STXBP5L: variants seen among roughly 807,000 people sequenced by gnomAD.
The protein encoded by STXBP5L is syntaxin binding protein 5L, also known as syntaxin-binding protein 5-like.
A neutral mutation model predicts 144.5 loss-of-function variants in STXBP5L; 65 were observed. The ratio of observed to expected loss-of-function variants is 0.45; its 90% CI spans 0.37 to 0.55. STXBP5L has a LOEUF of 0.55. STXBP5L is among the 20% of genes least tolerant of loss of function. The pLI, the probability that STXBP5L is intolerant of heterozygous loss-of-function variation, is 0.00. For synonymous variants in STXBP5L, 505 were observed against 469.6 expected (o/e 1.08, Z -0.97); for missense variants, 1,298 against 1,405.5 (o/e 0.92, Z 1.22).
intron 5 of STXBP5L, among the ~76,000 whole-genome samples, chr3:121,113,072 A>G (rs757173015): frequency 2.2e-4 from 33 of 152,146 alleles, no homozygotes; most frequent in Non-Finnish European, 3.8e-4. Flanking sequence ...TAAAGGCTCT[A>G]GTTTCTATTT....
At chr3:121,392,524 G>A (rs898017212) in intron 22 of STXBP5L, among the ~76,000 whole-genome samples, 7 of 151,946 alleles carry the variant, frequency 4.6e-5, no homozygotes, top group Non-Finnish European at 7.4e-5. Flanking sequence ...GTTCCTATTC[G>A]GCCATCTTGG....
intron 5 of STXBP5L, among the ~76,000 whole-genome samples, chr3:121,080,584 T>A (rs1430806787): frequency 6.6e-6 from 1 of 152,206 alleles, no homozygotes; most frequent in African/African-American, 2.4e-5. Context: ...TCATGAAGCT[T>A]AATTTTGCTG....
intron 20 of STXBP5L, among the ~76,000 whole-genome samples, chr3:121,346,126 C>T (rs924763930): frequency 6.7e-6 from 1 of 148,384 alleles, no homozygotes; most frequent in Non-Finnish European, 1.5e-5. Context: ...CACAACAGGC[C>T]CCAGGGTGTG....
rs1210259139 is a variant in STXBP5L at position 121,407,405 on chromosome 3, C to T, written c.2750C>T (p.Ser917Phe). The change falls in exon 23 of 27, where the codon TCC becomes TTC. Residue 917 changes from serine (S) to phenylalanine (F), a missense_variant. By Grantham distance (155) the Ser-to-Phe change is radical. Transcript: ENST00000471454. ...GTGGTAATGAACTCATCTTCTGCATCCCAAGAAATAGGAGATCATCAGTAT... is the reference window on the plus strand; with the variant it reads ...GTGGTAATGAACTCATCTTCTGCATTCCAAGAAATAGGAGATCATCAGTAT... ...RKVVMNSSSA[S>F]QEIGDHQYTI... The T allele has an allele frequency of 6.2e-7, 1 of 1,613,078 alleles. No individual in the cohort carries two copies. The highest frequency in any genetic ancestry group is 2.2e-5 in the East Asian group (1 of 44,846).
intron 5 of STXBP5L, among the ~76,000 whole-genome samples, chr3:121,098,297 C>T (rs2043233118): frequency 6.6e-6 from 1 of 152,066 alleles, no homozygotes; most frequent in Admixed American, 6.6e-5. Context: ...TGAAAGCTTA[C>T]AATCATGGTG....
intron 20 of STXBP5L, among the ~76,000 whole-genome samples, chr3:121,356,461 G>A (rs140146143): frequency 0.036 from 5,412 of 152,358 alleles, 147 homozygotes; most frequent in Middle Eastern, 0.082. Flanking sequence ...TGTGCTAGCA[G>A]TGAGCAAGGC....
rs188080089 is a variant in STXBP5L, at chr3:121,343,816, G to A, written c.2176+25276G>A. Among the ~76,000 whole-genome samples the A allele has an allele frequency of 4.9e-3, 751 of 152,030 alleles. 11 individuals carry two copies. The highest frequency in any genetic ancestry group is 9.6e-3 in the African/African-American group (397 of 41,442). ...AAGAATCAATATCGTGAAAATGGCC[G>A]TACTGCCCAAGGTAATTTATAGATT... On this transcript the variant is annotated intron_variant, in intron 20 of 26. Coordinates refer to ENST00000471454, the MANE Select transcript of STXBP5L (RefSeq NM_001308330.2).
rs577735349 is a variant in STXBP5L at position 121,341,726 on chromosome 3, C to G, written c.2176+23186C>G. Among the ~76,000 whole-genome samples the G allele has an allele frequency of 3.9e-5, 6 of 152,136 alleles. No homozygotes were observed. The South Asian group carries it at 1.0e-3, about 26-fold the overall frequency. ...CCTGTTGTTTACAACATGAATGGAA[C>G]TGGGGGTAATTATGTTAAGTGAAAT... On this transcript the variant is annotated intron_variant, in intron 20 of 26. Coordinates refer to ENST00000471454, the MANE Select transcript of STXBP5L (RefSeq NM_001308330.2).
At chr3:121,152,426 A>C (rs1185267863) in intron 7 of STXBP5L, 51 bp from the exon 8 acceptor site, 3 of 1,304,484 alleles carry the variant, frequency 2.3e-6, no homozygotes, top group African/African-American at 1.5e-5. Flanking sequence ...ATTTGAAGCA[A>C]GTTAAAATTA....
rs182974961 is a variant in STXBP5L at position 121,019,468 on chromosome 3, A to C, written c.288-22232A>C. Among the ~76,000 whole-genome samples, 338 of 152,156 alleles carry C rather than the reference A, an allele frequency of 2.2e-3. 15 individuals carry two copies. Among genetic ancestry groups the C allele is most frequent in the Admixed American group, 0.022 (334 of 15,274 alleles). Reference sequence around the variant, plus strand: ...CATGGCTGGAGGCCAACCAACACAAAACCAACACACTTACCAAAAATACAA... The same window carrying C: ...CATGGCTGGAGGCCAACCAACACAACACCAACACACTTACCAAAAATACAA... On this transcript the variant is annotated intron_variant, in intron 3 of 26. Transcript: ENST00000471454.
At chr3:121,120,195 T>C (rs992287630) in intron 6 of STXBP5L, among the ~76,000 whole-genome samples, 1 of 151,296 alleles carries the variant, frequency 6.6e-6, no homozygotes, top group Non-Finnish European at 1.5e-5. Context: ...TAAGTGTTAG[T>C]GCAATCAAAC....
At chr3:121,341,248 A>G (rs1156388344) in intron 20 of STXBP5L, among the ~76,000 whole-genome samples, 3 of 152,186 alleles carry the variant, frequency 2.0e-5, no homozygotes, top group African/African-American at 4.8e-5. Flanking sequence ...ACTGGAAAAC[A>G]GGTTTATGTG....
intron 3 of STXBP5L, among the ~76,000 whole-genome samples, chr3:120,993,509 T>C (rs1257576311): frequency 6.6e-6 from 1 of 152,096 alleles, no homozygotes; most frequent in African/African-American, 2.4e-5. Flanking sequence ...GGGTCTAGTT[T>C]CATTGTTCTA....
At chr3:121,395,692 GC>G (rs1310043183) in intron 22 of STXBP5L, among the ~76,000 whole-genome samples, 2 of 152,220 alleles carry the variant, frequency 1.3e-5, no homozygotes, top group African/African-American at 4.8e-5. Context: ...CTCTGTGTCA[GC>G]CCTTGTTGAA....
chr3:120,916,357 A>G (rs1481256835), intron 2 of STXBP5L, among the ~76,000 whole-genome samples: 2 of 151,956 alleles, frequency 1.3e-5, no homozygotes, highest in East Asian at 1.9e-4. Context: ...CTGGAGTGCA[A>G]TGGTGCAGTC....
chr3:120,963,707 C>A (rs1010290139), intron 3 of STXBP5L, among the ~76,000 whole-genome samples: 1 of 152,180 alleles, frequency 6.6e-6, no homozygotes, highest in Non-Finnish European at 1.5e-5. Context: ...CAGCAATATT[C>A]ATCAGGGATA....
chr3:120,926,937 CTTT>C (rs59336376), intron 2 of STXBP5L, among the ~76,000 whole-genome samples: 46 of 134,064 alleles, frequency 3.4e-4, no homozygotes, highest in Admixed American at 3.7e-4. Flanking sequence ...TCTTTCCTTT[CTTT>C]TTTTTTTTTT....
intron 4 of STXBP5L, among the ~76,000 whole-genome samples, chr3:121,044,914 A>G (rs1369861784): frequency 6.6e-6 from 1 of 152,164 alleles, no homozygotes; most frequent in East Asian, 1.9e-4. Flanking sequence ...TTTATAATTG[A>G]TGAAGCTTCT....
chr3:121,059,323 T>A (rs995312075), intron 5 of STXBP5L, among the ~76,000 whole-genome samples: 17 of 152,212 alleles, frequency 1.1e-4, no homozygotes, highest in Non-Finnish European at 2.1e-4. Flanking sequence ...TTGTGTTCCA[T>A]AGGTCTGTAT....
Sources: gnomAD v4.1 joint callset for allele counts (sites outside exome capture counted in the v4.1 genomes callset) on GRCh38, gnomAD v4.1.1 for gene constraint, MANE v1.5 for transcripts, NCBI Gene and HGNC (gene_info 2026-07-23, HGNC 2026-07-21) for gene names.